The following PCCA variants were observed in gnomAD, a reference collection of about 807,000 sequenced individuals.
The protein encoded by PCCA is propionyl-CoA carboxylase alpha chain, mitochondrial.
In PCCA, 74 loss-of-function variants were observed where a neutral mutation model predicts 101.3. That is an observed-to-expected ratio of 0.73 (90% CI 0.61 to 0.89). The LOEUF is 0.89. Ranked by LOEUF, PCCA falls within the 40% of genes least tolerant of loss-of-function variation. The pLI, the probability that PCCA is intolerant of heterozygous loss-of-function variation, is 0.00. For synonymous variants in PCCA, 294 were observed against 313.6 expected (o/e 0.94, Z 0.66); for missense variants, 891 against 907.0 (o/e 0.98, Z 0.23).
At position 100,222,125 on chromosome 13, in the gene PCCA, C is replaced by G. The variant is rs923610618; in HGVS notation, c.600+12662C>G. The stretch of plus-strand genomic sequence containing the variant: ...GGCACAATCTGGACTCACTCCATCC[C>G]CGCCCCCTGGGTTCAAGCGATTCTC... On this transcript the variant is annotated intron_variant, in intron 7 of 23. Coordinates refer to ENST00000376285, the MANE Select transcript of PCCA (RefSeq NM_000282.4). Among the ~76,000 whole-genome samples the G allele has an allele frequency of 1.7e-4, 26 of 152,016 alleles. 1 individual carries two copies. The highest frequency in any genetic ancestry group is 5.8e-4 in the African/African-American group (24 of 41,374).
intron 21 of PCCA, chr13:100,490,667 GT>G (rs2084839483): frequency 6.6e-6 from 1 of 152,216 alleles, no homozygotes; most frequent in African/African-American, 2.4e-5. Context: ...CCACGTTCCA[GT>G]TTTAGCACAT....
Position 100,427,431 on chromosome 13 carries a change from C to T in PCCA, c.1845+1700C>T, listed in dbSNP as rs79526709. 3.2e-3 allele frequency among the ~76,000 whole-genome samples: 487 copies of T among 152,162 alleles called. 4 individuals carry two copies. The highest frequency in any genetic ancestry group is 0.01 in the African/African-American group (431 of 41,512). On this transcript the variant is annotated intron_variant, in intron 20 of 23. Coordinates refer to ENST00000376285, the MANE Select transcript of PCCA (RefSeq NM_000282.4). Reference sequence around the variant, plus strand: ...CTTTCATCATCCTTTTCAGTGAGTGCGCAGATAGTTGTCTTGATGGCACTT... The same window carrying T: ...CTTTCATCATCCTTTTCAGTGAGTGTGCAGATAGTTGTCTTGATGGCACTT...
At chr13:100,397,301 A>T (rs546815795) in intron 19 of PCCA, among the ~76,000 whole-genome samples, 3 of 152,202 alleles carry the variant, frequency 2.0e-5, no homozygotes, top group African/African-American at 7.2e-5. Flanking sequence ...GCAATTATGT[A>T]ACTTCTCTGA....
chr13:100,387,938 C>T (rs184585717), intron 19 of PCCA, among the ~76,000 whole-genome samples: 83 of 152,216 alleles, frequency 5.5e-4, no homozygotes, highest in East Asian at 4.8e-3. Flanking sequence ...ATGAAAAACA[C>T]TGAATGGTAT....
At chr13:100,110,831 G>A (rs568535214) in intron 2 of PCCA, among the ~76,000 whole-genome samples, 3 of 151,744 alleles carry the variant, frequency 2.0e-5, no homozygotes, top group African/African-American at 7.3e-5. Flanking sequence ...TTTTTGAGAC[G>A]GAATCTTGCT....
chr13:100,530,105 CTG>C lies in PCCA; in HGVS notation c.2129_2130del (p.Val710AlafsTer23), dbSNP rs1317003529. On this transcript the variant is annotated frameshift_variant, in exon 24 of 24. Transcript: ENST00000376285. LOFTEE classifies it high-confidence loss of function. Reference sequence around the variant, plus strand: ...CATTTTTCAAAATTCAAGGTGAAATCTGTGCACTGTCAAGCTGGAGACACAGT... The same window carrying C: ...CATTTTTCAAAATTCAAGGTGAAATCTGCACTGTCAAGCTGGAGACACAGT... 6 of 1,613,752 alleles carry C rather than the reference CTG, an allele frequency of 3.7e-6. No homozygotes were observed. The Admixed American group carries it at 8.3e-5, about 22-fold the overall frequency.
chr13:100,160,870 C>T (rs768234594), intron 6 of PCCA: 2 of 152,148 alleles, frequency 1.3e-5, no homozygotes, highest in African/African-American at 2.4e-5. Flanking sequence ...TTGTTTTAAT[C>T]ATATTATCAT....
At chr13:100,245,449 A>G (rs2061380476) in intron 8 of PCCA, among the ~76,000 whole-genome samples, 1 of 152,306 alleles carries the variant, frequency 6.6e-6, no homozygotes, top group Middle Eastern at 3.4e-3. Flanking sequence ...CTCTCCTGTC[A>G]CTTTAAACAA....
intron 21 of PCCA, among the ~76,000 whole-genome samples, chr13:100,495,069 A>G (rs932373060): frequency 2.0e-5 from 3 of 151,830 alleles, no homozygotes; most frequent in African/African-American, 7.3e-5. Context: ...ATATTCGGCA[A>G]TGTCTGGAGA....
At chr13:100,259,343 T>G (rs2062300823) in intron 9 of PCCA, among the ~76,000 whole-genome samples, 2 of 143,120 alleles carry the variant, frequency 1.4e-5, no homozygotes. Flanking sequence ...TTTTTTTTTT[T>G]TTTTTTTTTG....
chr13:100,309,306 A>G lies in PCCA; in HGVS notation c.1354-527A>G, dbSNP rs1222017529. 3.9e-5 allele frequency among the ~76,000 whole-genome samples: 6 copies of G among 152,208 alleles called. No individual in the cohort carries two copies. The South Asian group carries it at 1.2e-3, about 31-fold the overall frequency. On this transcript the variant is annotated intron_variant, in intron 15 of 23. Transcript: ENST00000376285. ...CAGCTTCTCGAGAGGCTGAGGCGAG[A>G]GGATCGCTTGAACCTGTGAGGCGGA...
intron 22 of PCCA, among the ~76,000 whole-genome samples, chr13:100,525,026 TAGAC>T (rs1555330407): frequency 6.2e-4 from 88 of 142,634 alleles, no homozygotes; most frequent in African/African-American, 1.4e-3. Context: ...GATAGATAGA[TAGAC>T]AGACAGACAG....
At chr13:100,446,078 T>C (rs2080805481) in intron 20 of PCCA, among the ~76,000 whole-genome samples, 1 of 152,178 alleles carries the variant, frequency 6.6e-6, no homozygotes, top group Non-Finnish European at 1.5e-5. Flanking sequence ...CACGCTGTGG[T>C]GCCCAGGCTG....
intron 9 of PCCA, among the ~76,000 whole-genome samples, chr13:100,259,334 T>G (rs2152560812): frequency 7.2e-6 from 1 of 139,686 alleles, no homozygotes; most frequent in South Asian, 2.5e-4. Flanking sequence ...TAATGGTTTT[T>G]TTTTTTTTTT....
chr13:100,242,436 A>G (rs190448268), intron 8 of PCCA, among the ~76,000 whole-genome samples: 8 of 152,212 alleles, frequency 5.3e-5, no homozygotes, highest in African/African-American at 1.2e-4. Context: ...TAATTCTACA[A>G]TAGTAGTTGG....
chr13:100,392,039 A>G (rs965361147), intron 19 of PCCA, among the ~76,000 whole-genome samples: 1 of 152,160 alleles, frequency 6.6e-6, no homozygotes, highest in Non-Finnish European at 1.5e-5. Flanking sequence ...TGTGCTTATC[A>G]TGCACTTGAG....
chr13:100,329,735 G>C (rs1010102894), intron 16 of PCCA, among the ~76,000 whole-genome samples: 2 of 152,104 alleles, frequency 1.3e-5, no homozygotes, highest in Non-Finnish European at 2.9e-5. Flanking sequence ...CAGCTCAATG[G>C]CTGGACCAAG....
In PCCA at chr13:100,326,498, A is replaced by G. The variant is rs369573465; in HGVS notation, c.1430-4063A>G. On this transcript the variant is annotated intron_variant, in intron 16 of 23. Transcript: ENST00000376285. ...CTGGCAGTAAAACTAAAACAGTGGA[A>G]GAAGGATTGAAATCATATAGAAACA... Among the ~76,000 whole-genome samples the G allele has an allele frequency of 2.0e-5, 3 of 152,368 alleles. No individual in the cohort carries two copies. The East Asian group carries it at 5.8e-4, about 29-fold the overall frequency.
At chr13:100,240,930 A>C (rs2061088823) in intron 8 of PCCA, among the ~76,000 whole-genome samples, 1 of 147,656 alleles carries the variant, frequency 6.8e-6, no homozygotes, top group African/African-American at 2.5e-5. Context: ...ATTTTGACAT[A>C]TGCATATATA....
Sources: gnomAD v4.1 joint callset for allele counts (sites outside exome capture counted in the v4.1 genomes callset) on GRCh38, gnomAD v4.1.1 for gene constraint, MANE v1.5 for transcripts, NCBI Gene and HGNC (gene_info 2026-07-23, HGNC 2026-07-21) for gene names.